The following ALKBH3 variants were observed in gnomAD, a reference collection of about 807,000 sequenced individuals.
ALKBH3 encodes alkB homolog 3, alpha-ketoglutarate dependent dioxygenase, also known as alpha-ketoglutarate-dependent dioxygenase alkB homolog 3.
In ALKBH3, 51 loss-of-function variants were observed where a neutral mutation model predicts 43.9. The ratio of observed to expected loss-of-function variants is 1.16; its 90% confidence interval spans 0.93 to 1.47. The LOEUF (loss-of-function observed/expected upper bound fraction) is 1.47, where lower values mean the gene tolerates loss of function less well. Ranked by LOEUF, ALKBH3 falls within the 40% of genes most tolerant of loss-of-function variation. The pLI, the probability that ALKBH3 is intolerant of heterozygous loss-of-function variation, is 0.00. For missense variants in ALKBH3, 361 were observed against 351.9 expected (o/e 1.03, Z -0.21); for synonymous variants, 102 against 115.2 (o/e 0.89, Z 0.73).
chr11:43,897,650 A>C (rs1396051461), intron 7 of ALKBH3: 1 of 901,046 alleles, frequency 1.1e-6, no homozygotes, highest in Admixed American at 1.7e-5. Context: ...ATGTAGATGC[A>C]CCAAGACTGC....
At chr11:43,898,793 A>T in intron 7 of ALKBH3, 1 of 762,134 alleles carries the variant, frequency 1.3e-6, no homozygotes, top group Non-Finnish European at 2.5e-6. Flanking sequence ...ATTGATGACA[A>T]CACCAGAAGG....
At chr11:43,896,879 G>A (rs1397218595) in intron 7 of ALKBH3, among the ~76,000 whole-genome samples, 2 of 152,114 alleles carry the variant, frequency 1.3e-5, no homozygotes, top group South Asian at 2.1e-4. Context: ...ACCATACAAG[G>A]TTAAAGATTT....
At chr11:43,912,852 C>T (rs1951950683) in intron 8 of ALKBH3, among the ~76,000 whole-genome samples, 1 of 152,026 alleles carries the variant, frequency 6.6e-6, no homozygotes, top group Admixed American at 6.6e-5. Context: ...CCTTCCTTAT[C>T]AGGAAAGTAC....
At chr11:43,890,405 G>A (rs959976087) in intron 6 of ALKBH3, among the ~76,000 whole-genome samples, 1 of 152,076 alleles carries the variant, frequency 6.6e-6, no homozygotes, top group Non-Finnish European at 1.5e-5. Flanking sequence ...TACCACAGGC[G>A]GTCACTTGGG....
chr11:43,899,965 A>G (rs1457834333), intron 7 of ALKBH3, among the ~76,000 whole-genome samples: 1 of 151,888 alleles, frequency 6.6e-6, no homozygotes, highest in Admixed American at 6.6e-5. Context: ...GCTGTAAACT[A>G]CATACCTATG....
chr11:43,907,464 G>T (rs1433094995), intron 8 of ALKBH3, among the ~76,000 whole-genome samples: 1 of 152,152 alleles, frequency 6.6e-6, no homozygotes, highest in Non-Finnish European at 1.5e-5. Flanking sequence ...GTGTTTCCTT[G>T]TGAAACTAAG....
chr11:43,903,884 G>A (rs142250465), intron 8 of ALKBH3, among the ~76,000 whole-genome samples: 135 of 152,194 alleles, frequency 8.9e-4, no homozygotes, highest in African/African-American at 2.8e-3. Flanking sequence ...GAAATACCCC[G>A]TTTCTTCTCC....
intron 7 of ALKBH3, among the ~76,000 whole-genome samples, chr11:43,900,181 G>T (rs1951851815): frequency 6.9e-6 from 1 of 145,426 alleles, no homozygotes. Context: ...AACATGTAAT[G>T]GATTTGTGAT....
intron 7 of ALKBH3, chr11:43,897,935 G>A (rs920604210): frequency 2.0e-5 from 16 of 782,428 alleles, no homozygotes; most frequent in Admixed American, 6.8e-5. Context: ...TACTACCTTC[G>A]CCATTTAGAA....
chr11:43,897,077 G>A, intron 7 of ALKBH3: 1 of 368,370 alleles, frequency 2.7e-6, no homozygotes, highest in East Asian at 7.3e-5. Flanking sequence ...AAGTAGCTGG[G>A]ACAACAAACG....
In ALKBH3 at chr11:43,899,872, GA is replaced by G. The variant is rs10636253; in HGVS notation, c.460-1627del. Reference sequence around the variant, plus strand: ...AATTAAAAGATTGACGTGGTCTCAGGAAAAAAAAAAAAAAAAAGGAAACCAG... The same window carrying G: ...AATTAAAAGATTGACGTGGTCTCAGGAAAAAAAAAAAAAAAAGGAAACCAG... On this transcript the variant is annotated intron_variant, in intron 7 of 9. Transcript: ENST00000302708. Among the ~76,000 whole-genome samples, 489 of 121,890 alleles carry G rather than the reference GA, an allele frequency of 4.0e-3. 2 individuals are homozygous for G. The highest frequency in any genetic ancestry group is 5.4e-3 in the African/African-American group (177 of 32,620). 80.0% of individuals were successfully genotyped at this position (121,890 alleles called of 152,430 possible).
intron 8 of ALKBH3, among the ~76,000 whole-genome samples, chr11:43,903,492 A>AC (rs1951876322): frequency 6.6e-6 from 1 of 152,156 alleles, no homozygotes; most frequent in Admixed American, 6.5e-5. Flanking sequence ...TGGTCCTGAG[A>AC]CCGGGGGCCG....
At chr11:43,904,552 A>G (rs541176141) in intron 8 of ALKBH3, among the ~76,000 whole-genome samples, 80 of 152,300 alleles carry the variant, frequency 5.3e-4, no homozygotes, top group African/African-American at 1.9e-3. Context: ...ACAAGTTTAA[A>G]CTTTTGAAGA....
intron 9 of ALKBH3, 86 bp from the exon 10 acceptor site, chr11:43,919,832 C>A: frequency 8.3e-7 from 1 of 1,209,730 alleles, no homozygotes; most frequent in South Asian, 1.3e-5. Flanking sequence ...AATATTTCTG[C>A]ATTCTCATGA....
intron 7 of ALKBH3, chr11:43,898,926 G>C: frequency 1.3e-6 from 1 of 746,808 alleles, no homozygotes; most frequent in South Asian, 1.4e-5. Context: ...GGGTGGACTG[G>C]TCCCCAAATC....
At chr11:43,899,202 T>C (rs1590373102) in intron 7 of ALKBH3, 1 of 770,220 alleles carries the variant, frequency 1.3e-6, no homozygotes. Context: ...GTGCAGCTCA[T>C]AGACAAAGTC....
At chr11:43,896,268 TACACACACACAC>T (rs71035662) in intron 7 of ALKBH3, among the ~76,000 whole-genome samples, 25,702 of 147,316 alleles carry the variant, frequency 0.17, 2,522 homozygotes, top group South Asian at 0.32. Flanking sequence ...ATAGGATAGA[TACACACACACAC>T]ACACACACAC....
intron 7 of ALKBH3, among the ~76,000 whole-genome samples, chr11:43,893,040 G>A (rs917608966): frequency 3.3e-5 from 5 of 152,192 alleles, no homozygotes; most frequent in African/African-American, 1.2e-4. Context: ...AATAGAATTA[G>A]GCCAGTCCAA....
At chr11:43,882,274 T>G (rs1475230497) in intron 1 of ALKBH3, among the ~76,000 whole-genome samples, 3 of 152,254 alleles carry the variant, frequency 2.0e-5, no homozygotes, top group African/African-American at 7.2e-5. Context: ...TACAGTTTCC[T>G]TATATTCTAC....
Sources: allele counts gnomAD v4.1 joint callset (sites outside exome capture counted in the v4.1 genomes callset), GRCh38; gene constraint gnomAD v4.1.1; transcripts MANE v1.5; gene names NCBI Gene and HGNC (gene_info 2026-07-23, HGNC 2026-07-21).